ACSM3: variants seen among roughly 807,000 people sequenced by gnomAD.
The protein encoded by ACSM3 is acyl-CoA synthetase medium chain family member 3.
Under a neutral mutation model 74.1 loss-of-function variants are expected in ACSM3, and 61 were observed. The observed-to-expected ratio is 0.82, with a 90% CI of 0.67 to 1.02. The LOEUF (loss-of-function observed/expected upper bound fraction) is 1.02, where lower values mean the gene tolerates loss of function less well. ACSM3 is among the 50% of genes least tolerant of loss of function. ACSM3 has a pLI of 0.00. For missense variants in ACSM3, 660 were observed against 697.0 expected (o/e 0.95, Z 0.60); for synonymous variants, 213 against 241.5 (o/e 0.88, Z 1.09).
chr16:20,748,158 A>G (rs13332573), intron 1 of ACSM3, among the ~76,000 whole-genome samples: 7,273 of 119,236 alleles, frequency 0.061, 580 homozygotes, highest in African/African-American at 0.18. Flanking sequence ...TAAATAAATA[A>G]ATAGATAGAT....
At chr16:20,690,956 C>T in intron 1 of ACSM3, 1 of 1,573,190 alleles carries the variant, frequency 6.4e-7, no homozygotes, top group African/African-American at 1.4e-5. Context: ...GAAAGTGAGG[C>T]CACCCTTGTT....
chr16:20,738,251 A>C (rs748816576), intron 1 of ACSM3: 1 of 487,902 alleles, frequency 2.0e-6, no homozygotes, highest in Non-Finnish European at 4.0e-6. Context: ...TCCAACCGTA[A>C]CACCATGCTG....
intron 1 of ACSM3, among the ~76,000 whole-genome samples, chr16:20,729,848 G>A (rs1052604400): frequency 1.3e-5 from 2 of 151,970 alleles, no homozygotes; most frequent in African/African-American, 2.4e-5. Flanking sequence ...CACATCCAAG[G>A]GTTCATGTAA....
At chr16:20,726,245 T>G (rs771364121) in intron 1 of ACSM3, among the ~76,000 whole-genome samples, 2 of 152,256 alleles carry the variant, frequency 1.3e-5, no homozygotes, top group Non-Finnish European at 2.9e-5. Flanking sequence ...TTGAAGGTTA[T>G]ATTCAGTTTA....
intron 2 of ACSM3, among the ~76,000 whole-genome samples, chr16:20,754,959 G>T (rs978284846): frequency 6.6e-6 from 1 of 152,130 alleles, no homozygotes; most frequent in Non-Finnish European, 1.5e-5. Context: ...TAGAGGGGCA[G>T]AGGAATTATT....
chr16:20,785,936 AC>A (rs1307435772), intron 8 of ACSM3, 141 bp from the exon 9 acceptor site: 1 of 505,092 alleles, frequency 2.0e-6, no homozygotes, highest in Non-Finnish European at 3.5e-6. Context: ...TGTTATCACT[AC>A]ATTCCATGAG....
intron 1 of ACSM3, chr16:20,736,710 T>C (rs1185985955): frequency 4.5e-6 from 3 of 662,248 alleles, no homozygotes; most frequent in Admixed American, 5.9e-5. Context: ...GGCTGAAAGA[T>C]CCCTAAAAAA....
chr16:20,686,856 G>A (rs1031489233), intron 1 of ACSM3, among the ~76,000 whole-genome samples: 3 of 151,676 alleles, frequency 2.0e-5, no homozygotes, highest in African/African-American at 7.3e-5. Context: ...ATGTTAATTG[G>A]TATGACTGCA....
intron 1 of ACSM3, among the ~76,000 whole-genome samples, chr16:20,730,547 C>A (rs192388403): frequency 1.2e-4 from 18 of 152,270 alleles, no homozygotes; most frequent in African/African-American, 4.3e-4. Context: ...TCTCACACAC[C>A]AGTGAGCCTC....
chr16:20,777,628 A>G, intron 4 of ACSM3, 48 bp downstream of exon 4: 1 of 1,514,516 alleles, frequency 6.6e-7, no homozygotes, highest in South Asian at 1.1e-5. Context: ...AGGAAAGGCA[A>G]CAATAAAAAG....
chr16:20,796,543 TGTTTATTTTTACATTTTA>T, intron 13 of ACSM3, 54 bp downstream of exon 13: 1 of 1,594,522 alleles, frequency 6.3e-7, no homozygotes, highest in Admixed American at 1.8e-5. Context: ...CAATTTCAAG[TGTTTATTTTTACATTTTA>T]ATGAATATTT....
chr16:20,680,183 C>T (rs1338547585), intron 1 of ACSM3: 4 of 152,198 alleles, frequency 2.6e-5, no homozygotes. Flanking sequence ...CAATCCTTTA[C>T]ATTTTACTAT....
intron 1 of ACSM3, among the ~76,000 whole-genome samples, chr16:20,697,361 G>A (rs1239351998): frequency 6.6e-6 from 1 of 152,008 alleles, no homozygotes; most frequent in Non-Finnish European, 1.5e-5. Context: ...CACATTCAGA[G>A]CTGCCTGACA....
chr16:20,765,217 G>A (rs1470465175), intron 1 of ACSM3, among the ~76,000 whole-genome samples: 1 of 152,152 alleles, frequency 6.6e-6, no homozygotes, highest in Non-Finnish European at 1.5e-5. Context: ...TAAAAATCTG[G>A]AGTCACCCTG....
At chr16:20,680,456 A>G (rs1031284821) in intron 1 of ACSM3, 1 of 152,244 alleles carries the variant, frequency 6.6e-6, no homozygotes, top group Non-Finnish European at 1.5e-5. Flanking sequence ...TCCTCATGCT[A>G]TGTACGTGGA....
chr16:20,718,024 A>AAGAAGG (rs2079771660), intron 1 of ACSM3, among the ~76,000 whole-genome samples: 1 of 149,078 alleles, frequency 6.7e-6, no homozygotes, highest in African/African-American at 2.5e-5. Context: ...GAAGAAGAAG[A>AAGAAGG]AGAAAAGAAA....
At chr16:20,723,662 T>G (rs1486519880) in intron 1 of ACSM3, among the ~76,000 whole-genome samples, 1 of 152,198 alleles carries the variant, frequency 6.6e-6, no homozygotes, top group East Asian at 1.9e-4. Flanking sequence ...TCATGTGTTT[T>G]TTGGCTGCAT....
At chr16:20,758,648 T>A (rs929172725) in intron 3 of ACSM3, among the ~76,000 whole-genome samples, 4 of 152,192 alleles carry the variant, frequency 2.6e-5, no homozygotes, top group African/African-American at 9.7e-5. Flanking sequence ...TGCTCGATTT[T>A]AGTTATTTCT....
At chr16:20,682,194 A>T in intron 1 of ACSM3, 1 of 1,545,726 alleles carries the variant, frequency 6.5e-7, no homozygotes, top group Non-Finnish European at 8.9e-7. Flanking sequence ...GGTCTCTCTG[A>T]TTCCTAAATT....
Sources: allele counts gnomAD v4.1 joint callset (sites outside exome capture counted in the v4.1 genomes callset), GRCh38; gene constraint gnomAD v4.1.1; transcripts MANE v1.5; gene names NCBI Gene and HGNC (gene_info 2026-07-23, HGNC 2026-07-21).